Variants in XKR9 observed in about 807,000 individuals in gnomAD.
The protein encoded by XKR9 is XK related 9.
Under a neutral mutation model 32.0 loss-of-function variants are expected in XKR9, and 32 were observed. The observed-to-expected ratio is 1.00, with a 90% CI of 0.76 to 1.34. XKR9 has a LOEUF of 1.34. Ranked by LOEUF, XKR9 falls within the 40% of genes most tolerant of loss-of-function variation. XKR9 has a pLI of 0.00. For missense variants in XKR9, 546 were observed against 429.7 expected, an observed-to-expected ratio of 1.27 and a Z score of -2.39; for synonymous variants, 168 against 143.4, an observed-to-expected ratio of 1.17 and a Z score of -1.22.
the XKR9 span, among the ~76,000 whole-genome samples, chr8:70,812,829 G>T: frequency 6.6e-6 from 1 of 152,186 alleles, no homozygotes; most frequent in Non-Finnish European, 1.5e-5. Context: ...CATGCTCATG[G>T]ATAGGGAGAA....
chr8:70,773,341 C>T (rs952476026), intron 2 of XKR9, among the ~76,000 whole-genome samples: 9 of 152,162 alleles, frequency 5.9e-5, no homozygotes, highest in African/African-American at 2.2e-4. Context: ...TTGGTTCTGT[C>T]AATGATGGAT....
At chr8:70,816,499 C>A in the XKR9 span, among the ~76,000 whole-genome samples, 6 of 152,234 alleles carry the variant, frequency 3.9e-5, no homozygotes, top group Non-Finnish European at 7.4e-5. Context: ...AAGTGTTCAT[C>A]AATGCAAGAT....
chr8:70,784,552 A>G, intron 2 of XKR9, among the ~76,000 whole-genome samples: 1 of 151,626 alleles, frequency 6.6e-6, no homozygotes, highest in East Asian at 1.9e-4. Context: ...TGTACCTTGC[A>G]ACTTTACTGT....
chr8:70,846,953 A>T, the XKR9 span, among the ~76,000 whole-genome samples: 2 of 152,036 alleles, frequency 1.3e-5, no homozygotes, highest in South Asian at 4.1e-4. Context: ...CAACAAAGAA[A>T]CATTCATTGG....
the XKR9 span, among the ~76,000 whole-genome samples, chr8:70,940,284 C>T: frequency 2.0e-5 from 3 of 152,138 alleles, no homozygotes; most frequent in East Asian, 5.8e-4. Flanking sequence ...TGCTCTGCTT[C>T]GTGATCTCTC....
chr8:70,722,897 C>T (rs1005713608), intron 4 of XKR9, among the ~76,000 whole-genome samples: 2 of 151,528 alleles, frequency 1.3e-5, no homozygotes, highest in Non-Finnish European at 2.9e-5. Context: ...TTTTTTTTTA[C>T]TTTGCTTCCA....
At chr8:70,763,526 C>T (rs111868677) in intron 2 of XKR9, among the ~76,000 whole-genome samples, 7 of 152,218 alleles carry the variant, frequency 4.6e-5, no homozygotes, top group African/African-American at 1.7e-4. Context: ...TGGCAGTTCT[C>T]ATTAATGTAA....
downstream of XKR9, among the ~76,000 whole-genome samples, chr8:70,738,685 G>A (rs1435666719): frequency 6.6e-6 from 1 of 152,148 alleles, no homozygotes; most frequent in African/African-American, 2.4e-5. Flanking sequence ...GTTCTCGTTG[G>A]TTTCAAAGAA....
the XKR9 span, among the ~76,000 whole-genome samples, chr8:70,905,012 C>T: frequency 6.6e-6 from 1 of 152,182 alleles, no homozygotes; most frequent in African/African-American, 2.4e-5. Context: ...ATGGGCTTGC[C>T]TTTGTGGGTA....
chr8:70,728,692 C>T (rs1287749251), intron 4 of XKR9, among the ~76,000 whole-genome samples: 1 of 152,182 alleles, frequency 6.6e-6, no homozygotes, highest in East Asian at 1.9e-4. Flanking sequence ...ATTTTTCTCT[C>T]TCCAGTCCCC....
intron 3 of XKR9, among the ~76,000 whole-genome samples, chr8:70,703,463 G>A (rs1190103190): frequency 9.9e-5 from 15 of 152,110 alleles, no homozygotes; most frequent in Non-Finnish European, 2.2e-4. Flanking sequence ...GTGCCTTCTT[G>A]TGGTGTTCTT....
At chr8:70,733,359 A>T (rs1004610292) in intron 4 of XKR9, among the ~76,000 whole-genome samples, 1 of 151,776 alleles carries the variant, frequency 6.6e-6, no homozygotes, top group Admixed American at 6.6e-5. Flanking sequence ...TGAAGCTATT[A>T]TCTCTTAGTG....
At chr8:70,780,609 C>G (rs1185906297) in intron 2 of XKR9, among the ~76,000 whole-genome samples, 1 of 152,062 alleles carries the variant, frequency 6.6e-6, no homozygotes, top group African/African-American at 2.4e-5. Context: ...GAATTCTTCC[C>G]TAGAACCTTC....
the XKR9 span, among the ~76,000 whole-genome samples, chr8:70,973,111 G>T: frequency 6.6e-6 from 1 of 151,496 alleles, no homozygotes; most frequent in Non-Finnish European, 1.5e-5. Context: ...TTTTGTTGTT[G>T]GTATTTTTTT....
intron 2 of XKR9, among the ~76,000 whole-genome samples, chr8:70,788,201 C>T (rs1488729619): frequency 6.6e-6 from 1 of 152,048 alleles, no homozygotes; most frequent in Admixed American, 6.6e-5. Flanking sequence ...AGCACCAACC[C>T]TACAACGTAG....
chr8:70,752,254 T>C (rs1273268411), intron 2 of XKR9, among the ~76,000 whole-genome samples: 1 of 152,184 alleles, frequency 6.6e-6, no homozygotes, highest in Non-Finnish European at 1.5e-5. Flanking sequence ...ATTTAAAAAT[T>C]TCGATGAAGT....
At chr8:71,023,476 T>C in the XKR9 span, among the ~76,000 whole-genome samples, 23 of 152,240 alleles carry the variant, frequency 1.5e-4, no homozygotes, top group Non-Finnish European at 3.2e-4. Context: ...AGTAGACCAA[T>C]CCTTGGGCCC....
At chr8:71,063,278 C>A in the XKR9 span, among the ~76,000 whole-genome samples, 1 of 152,270 alleles carries the variant, frequency 6.6e-6, no homozygotes, top group Non-Finnish European at 1.5e-5. Flanking sequence ...ATTTGTTTCC[C>A]TGGCATATTC....
At chr8:70,764,175 C>A (rs773951404) in intron 2 of XKR9, among the ~76,000 whole-genome samples, 1 of 152,126 alleles carries the variant, frequency 6.6e-6, no homozygotes, top group Non-Finnish European at 1.5e-5. Flanking sequence ...GTTTACTCCA[C>A]CAAATGAGAG....
Sources: gnomAD v4.1 joint callset for allele counts (sites outside exome capture counted in the v4.1 genomes callset) on GRCh38, gnomAD v4.1.1 for gene constraint, MANE v1.5 for transcripts, NCBI Gene and HGNC (gene_info 2026-07-23, HGNC 2026-07-21) for gene names.